FNDC3B: variants seen among roughly 807,000 people sequenced by gnomAD.
The protein encoded by FNDC3B is fibronectin type III domain containing 3B.
Under a neutral mutation model 151.5 loss-of-function variants are expected in FNDC3B, and 12 were observed. That is an observed-to-expected ratio of 0.08 (90% CI 0.05 to 0.13). FNDC3B has a LOEUF of 0.13. FNDC3B is among the 10% of genes least tolerant of loss of function. The pLI, the probability that FNDC3B is intolerant of heterozygous loss-of-function variation, is 1.00. For missense variants in FNDC3B, 1,214 were observed against 1,505.3 expected (o/e 0.81, Z 3.20); for synonymous variants, 528 against 549.0 (o/e 0.96, Z 0.54).
chr3:172,400,760 CTT>C lies in FNDC3B; in HGVS notation c.*3299_*3300del, dbSNP rs11359824. 5.5e-4 allele frequency: 74 copies of C among 134,770 alleles called. No individual in the cohort carries two copies. Among genetic ancestry groups the C allele is most frequent in the Admixed American group, 7.6e-4 (10 of 13,238 alleles). 8.3% of individuals were successfully genotyped at this position (134,770 alleles called of 1,614,324 possible). The stretch of plus-strand genomic sequence containing the variant: ...TTGTTGTTGTTGTTGTTGTTTCTTT[CTT>C]TTTTTTTTTTTTTGAGACGGAGTCT... On this transcript the variant is annotated 3_prime_UTR_variant, in exon 26 of 26. Coordinates refer to ENST00000415807, the MANE Select transcript of FNDC3B (RefSeq NM_022763.4).
At chr3:172,354,885 T>C (rs74679908) in intron 22 of FNDC3B, among the ~76,000 whole-genome samples, 12 of 150,622 alleles carry the variant, frequency 8.0e-5, no homozygotes, top group Non-Finnish European at 1.3e-4. Context: ...TTTTTTTTTT[T>C]AAGCCTTCAG....
At chr3:172,396,458 A>G (rs567923215) in intron 25 of FNDC3B, among the ~76,000 whole-genome samples, 13 of 152,122 alleles carry the variant, frequency 8.5e-5, no homozygotes, top group Non-Finnish European at 1.9e-4. Flanking sequence ...TAGAATGTTA[A>G]CTTTGTTCTT....
At chr3:172,186,754 T>C (rs1439583421) in intron 3 of FNDC3B, 1 of 702,630 alleles carries the variant, frequency 1.4e-6, no homozygotes, top group Non-Finnish European at 2.6e-6. Context: ...TTTTTTCATC[T>C]CAGCTTTTTC....
intron 3 of FNDC3B, among the ~76,000 whole-genome samples, chr3:172,196,980 A>G (rs1296598118): frequency 1.3e-5 from 2 of 152,080 alleles, no homozygotes; most frequent in Non-Finnish European, 2.9e-5. Flanking sequence ...CAGGAGTTTG[A>G]GACCAGCCTG....
At chr3:172,096,112 C>T (rs146359818) in intron 1 of FNDC3B, among the ~76,000 whole-genome samples, 23 of 152,294 alleles carry the variant, frequency 1.5e-4, no homozygotes, top group Non-Finnish European at 2.5e-4. Context: ...CCTAGATGCT[C>T]AGGGTTAATT....
At chr3:172,359,017 G>GA (rs1734240388) in intron 22 of FNDC3B, among the ~76,000 whole-genome samples, 1 of 131,208 alleles carries the variant, frequency 7.6e-6, no homozygotes, top group African/African-American at 2.8e-5. Flanking sequence ...GGTGGTGGTG[G>GA]TGATGGTGGC....
chr3:172,275,900 T>A (rs1049794621), intron 6 of FNDC3B, among the ~76,000 whole-genome samples: 2 of 152,122 alleles, frequency 1.3e-5, no homozygotes, highest in African/African-American at 4.8e-5. Context: ...AGAGCAGAAA[T>A]TATACAATCC....
Position 172,343,038 on chromosome 3 carries a change from C to T in FNDC3B, c.1999C>T (p.Leu667=). Residue 667 remains leucine (L), a synonymous_variant, in exon 18 of 26, where the codon CTA becomes TTA. Coordinates refer to ENST00000415807, the MANE Select transcript of FNDC3B (RefSeq NM_022763.4). The part of the protein sequence containing the change: ...QCSESLPVRT[L]SIAPGQCRPP... ...TTCTGAAAGTCTCCCTGTTCGCACA[C>T]TAAGCATTGCACCAGGTCAATGTCG... is the stretch of plus-strand genomic sequence containing the variant. 6.2e-7 allele frequency: 1 copy of T among 1,613,030 alleles called. No individual in the cohort carries two copies. Among genetic ancestry groups the T allele is most frequent in the African/African-American group, 1.3e-5 (1 of 75,012 alleles).
intron 9 of FNDC3B, 90 bp downstream of exon 9, chr3:172,298,877 T>C: frequency 1.2e-6 from 1 of 830,286 alleles, no homozygotes; most frequent in South Asian, 1.8e-5. Flanking sequence ...TTGGTGAATG[T>C]TGCTTACCTT....
At position 172,381,019 on chromosome 3, in the gene FNDC3B, G is replaced by A. The variant is rs34529341; in HGVS notation, c.3229G>A (p.Val1077Ile). Residue 1077 changes from valine (V) to isoleucine (I), a missense_variant, in exon 25 of 26, where the codon GTA becomes ATA. Around this residue, in one of 7 missense-constraint regions of FNDC3B, gnomAD observed 284 missense variants for 392.4 expected, o/e 0.72. Transcript: ENST00000415807. ...GNSCEILWET[V>I]PSMKGDPVNY... Reference sequence around the variant, plus strand: ...TTCATGTGAAATTTTATGGGAGACGGTACCATCAATGAAAGGTGACCCTGT... The same window carrying A: ...TTCATGTGAAATTTTATGGGAGACGATACCATCAATGAAAGGTGACCCTGT... 3.0e-5 allele frequency: 48 copies of A among 1,613,636 alleles called. No homozygotes were observed. The highest frequency in any genetic ancestry group is 3.7e-5 in the Non-Finnish European group (44 of 1,179,660).
chr3:172,115,055 A>G (rs949688188), intron 2 of FNDC3B, among the ~76,000 whole-genome samples: 12 of 152,248 alleles, frequency 7.9e-5, no homozygotes, highest in African/African-American at 2.9e-4. Flanking sequence ...GGACCAGCCC[A>G]AGATTTACCA....
At chr3:172,379,197 G>A (rs762394173) in intron 24 of FNDC3B, among the ~76,000 whole-genome samples, 2 of 152,240 alleles carry the variant, frequency 1.3e-5, no homozygotes, top group Non-Finnish European at 2.9e-5. Context: ...GCCACTCATG[G>A]ACTCCTGAGG....
chr3:172,314,735 G>A (rs1423338602), intron 11 of FNDC3B, among the ~76,000 whole-genome samples: 1 of 152,198 alleles, frequency 6.6e-6, no homozygotes, highest in Non-Finnish European at 1.5e-5. Flanking sequence ...GCTGAGATTA[G>A]GAATGCTGTG....
chr3:172,202,797 A>G (rs1423358997), intron 3 of FNDC3B, among the ~76,000 whole-genome samples: 1 of 152,198 alleles, frequency 6.6e-6, no homozygotes, highest in Non-Finnish European at 1.5e-5. Context: ...GCACATTCAT[A>G]ATTTTGCTCC....
chr3:172,360,879 A>G (rs2108339460), intron 22 of FNDC3B, among the ~76,000 whole-genome samples: 1 of 152,182 alleles, frequency 6.6e-6, no homozygotes, highest in South Asian at 2.1e-4. Flanking sequence ...TTCAAACTTT[A>G]TTCTTATTTT....
intron 1 of FNDC3B, among the ~76,000 whole-genome samples, chr3:172,085,589 C>A (rs893409612): frequency 6.6e-6 from 1 of 152,138 alleles, no homozygotes; most frequent in Non-Finnish European, 1.5e-5. Context: ...AAAGGTCAAC[C>A]ACTTCACTCA....
intron 7 of FNDC3B, among the ~76,000 whole-genome samples, chr3:172,293,675 C>T (rs543237600): frequency 1.1e-4 from 17 of 152,130 alleles, no homozygotes; most frequent in East Asian, 5.8e-4. Context: ...GTAGTGAGGC[C>T]GGGCTGCGGT....
At chr3:172,050,976 C>T (rs537604323) in intron 1 of FNDC3B, among the ~76,000 whole-genome samples, 2 of 151,706 alleles carry the variant, frequency 1.3e-5, no homozygotes, top group African/African-American at 2.4e-5. Context: ...TTAGAATGCT[C>T]TTAAATGATT....
chr3:172,252,751 G>A (rs1044375821), intron 6 of FNDC3B, among the ~76,000 whole-genome samples: 10 of 152,076 alleles, frequency 6.6e-5, no homozygotes, highest in Non-Finnish European at 1.2e-4. Context: ...AATAGATCAT[G>A]TGTTCTTTTA....
Sources: allele counts gnomAD v4.1 joint callset (sites outside exome capture counted in the v4.1 genomes callset), GRCh38; gene constraint gnomAD v4.1.1; regional missense constraint gnomAD v4.1.1; transcripts MANE v1.5; gene names NCBI Gene and HGNC (gene_info 2026-07-23, HGNC 2026-07-21).